Variants in KLHL5 observed in about 807,000 individuals in gnomAD.
KLHL5 encodes kelch like family member 5, also known as kelch-like protein 5.
Under a neutral mutation model 77.7 loss-of-function variants are expected in KLHL5, and 48 were observed. That is an observed-to-expected ratio of 0.62 (90% CI 0.49 to 0.79). The LOEUF is 0.79. Ranked by LOEUF, KLHL5 falls within the 30% of genes least tolerant of loss-of-function variation. The pLI is 0.00. For synonymous variants in KLHL5, 260 were observed against 297.0 expected, an observed-to-expected ratio of 0.88 and a Z score of 1.28; for missense variants, 723 against 859.7, an observed-to-expected ratio of 0.84 and a Z score of 1.99.
chr4:39,139,048 A>G, the KLHL5 span, among the ~76,000 whole-genome samples: 1 of 152,044 alleles, frequency 6.6e-6, no homozygotes, highest in Non-Finnish European at 1.5e-5. Flanking sequence ...TTGGGAGGCC[A>G]AGGCAGGTGG....
At position 39,062,777 on chromosome 4, in the gene KLHL5, G is replaced by A. The variant is rs773124502; in HGVS notation, c.125G>A (p.Arg42Gln). The part of the protein sequence containing the change: ...VDSQQGEFWN[R>Q]GQTGANGGRK... Reference sequence around the variant, plus strand: ...AGCCAGCAGGGAGAATTTTGGAACCGAGGACAGACTGGAGCAAACGGTGGG... The same window carrying A: ...AGCCAGCAGGGAGAATTTTGGAACCAAGGACAGACTGGAGCAAACGGTGGG... The change falls in exon 1 of 11, where the codon CGA (arginine) becomes CAA (glutamine). Residue 42 changes from arginine (R) to glutamine (Q), a missense_variant. Coordinates refer to ENST00000504108, the MANE Select transcript of KLHL5 (RefSeq NM_015990.5). 15 of 1,614,038 alleles carry A rather than the reference G, an allele frequency of 9.3e-6. 1 individual carries two copies. The highest frequency in any genetic ancestry group is 8.8e-5 in the South Asian group (8 of 91,086).
At chr4:39,075,045 C>T (rs1251434482) in intron 1 of KLHL5, among the ~76,000 whole-genome samples, 2 of 152,058 alleles carry the variant, frequency 1.3e-5, no homozygotes. Flanking sequence ...GAAAACAGAA[C>T]ATACAGGTGG....
intron 6 of KLHL5, among the ~76,000 whole-genome samples, chr4:39,102,089 A>G (rs1164152378): frequency 1.3e-5 from 2 of 151,034 alleles, no homozygotes; most frequent in African/African-American, 4.8e-5. Flanking sequence ...GAGAAAATCT[A>G]TATGTATAAC....
chr4:39,118,282 A>C (rs1722987698), intron 10 of KLHL5, among the ~76,000 whole-genome samples: 2 of 152,172 alleles, frequency 1.3e-5, no homozygotes. Context: ...GAAGTTAAAC[A>C]GCTAACCCAA....
rs1285420834 is a variant in KLHL5 at position 39,098,620 on chromosome 4, G to A, written c.1300+1742G>A. Among the ~76,000 whole-genome samples, 3 of 151,202 alleles carry A rather than the reference G, an allele frequency of 2.0e-5. No homozygotes were observed. In the East Asian group the frequency reaches 5.8e-4, roughly 29 times the overall value. ...GCTCTATCACCCAGGCTGGAGTGCA[G>A]TGGCATGATCTCGGCTCACTGCAAG... is the stretch of plus-strand genomic sequence containing the variant. On this transcript the variant is annotated intron_variant, in intron 6 of 10. Transcript: ENST00000504108.
At chr4:39,139,039 T>G in the KLHL5 span, among the ~76,000 whole-genome samples, 3 of 152,266 alleles carry the variant, frequency 2.0e-5, 1 homozygote, top group Admixed American at 2.0e-4. Flanking sequence ...CCCAGCACTT[T>G]GGGAGGCCAA....
chr4:39,045,072 A>T (rs1170535105), exon 1 of KLHL5: 1 of 986,952 alleles, frequency 1.0e-6, no homozygotes, highest in African/African-American at 1.8e-5. Flanking sequence ...GCCGTGACCC[A>T]CGGCCGCCTC....
In KLHL5 at chr4:39,121,069, T is replaced by C. The variant is rs1438685152; in HGVS notation, c.*3T>C. On this transcript the variant is annotated 3_prime_UTR_variant, in exon 11 of 11. Coordinates refer to ENST00000504108, the MANE Select transcript of KLHL5 (RefSeq NM_015990.5). Reference sequence around the variant, plus strand: ...GTGTTGTGACTGTAAAATTATAATTTAGTGCCCCGTTTTCTACATGAAGAC... The same window carrying C: ...GTGTTGTGACTGTAAAATTATAATTCAGTGCCCCGTTTTCTACATGAAGAC... 2 of 1,606,896 alleles carry C rather than the reference T, an allele frequency of 1.2e-6. No individual in the cohort carries two copies. Among genetic ancestry groups the C allele is most frequent in the East Asian group, 2.2e-5 (1 of 44,864 alleles).
intron 5 of KLHL5, chr4:39,093,202 C>G: frequency 4.4e-6 from 2 of 450,606 alleles, no homozygotes; most frequent in South Asian, 3.1e-5. Flanking sequence ...ATACGAGGAG[C>G]TACAGCAGGG....
intron 1 of KLHL5, among the ~76,000 whole-genome samples, chr4:39,067,980 GC>G (rs1560411304): frequency 6.6e-6 from 1 of 151,940 alleles, no homozygotes; most frequent in African/African-American, 2.4e-5. Context: ...ACCACACCTG[GC>G]CCCATAACTC....
At position 39,124,818 on chromosome 4, in the gene KLHL5, A is replaced by AAAAAAAAAT; in HGVS notation, c.*3753_*3761dup. ...CAACAACAGCAAAAAAAAAAAAAAA[A>AAAAAAAAAT]AAAAAAAATCAAAATTAAAAGCTTC... On this transcript the variant is annotated 3_prime_UTR_variant, in exon 11 of 11. Coordinates refer to ENST00000504108, the MANE Select transcript of KLHL5 (RefSeq NM_015990.5). Among the ~76,000 whole-genome samples the AAAAAAAAAT allele has an allele frequency of 6.6e-6, 1 of 150,586 alleles. No individual in the cohort carries two copies. The highest frequency in any genetic ancestry group is 2.4e-5 in the African/African-American group (1 of 41,178).
chr4:39,117,873 G>C (rs970949333), intron 10 of KLHL5, among the ~76,000 whole-genome samples: 2 of 151,920 alleles, frequency 1.3e-5, no homozygotes, highest in African/African-American at 4.8e-5. Context: ...CCAGGAGTTC[G>C]AGACCAGCAT....
At chr4:39,055,147 C>CA (rs1716921875) in intron 1 of KLHL5, among the ~76,000 whole-genome samples, 1 of 152,188 alleles carries the variant, frequency 6.6e-6, no homozygotes, top group Non-Finnish European at 1.5e-5. Context: ...CAGGGCCTGT[C>CA]AAAGGCCATC....
At chr4:39,066,819 A>T (rs1318185074) in intron 1 of KLHL5, among the ~76,000 whole-genome samples, 1 of 152,194 alleles carries the variant, frequency 6.6e-6, no homozygotes, top group African/African-American at 2.4e-5. Context: ...GCTATTATCA[A>T]CCTAATTCTA....
At chr4:39,050,869 C>T (rs1047422677) in intron 1 of KLHL5, among the ~76,000 whole-genome samples, 4 of 152,324 alleles carry the variant, frequency 2.6e-5, no homozygotes, top group East Asian at 1.9e-4. Flanking sequence ...TAAGTAACTA[C>T]GATATTCCCT....
chr4:39,124,288 T>C lies in KLHL5; in HGVS notation c.*3222T>C, dbSNP rs1473533524. Among the ~76,000 whole-genome samples, 1 of 152,146 alleles carries C rather than the reference T, an allele frequency of 6.6e-6. No individual in the cohort carries two copies. On this transcript the variant is annotated 3_prime_UTR_variant, in exon 11 of 11. Coordinates refer to ENST00000504108, the MANE Select transcript of KLHL5 (RefSeq NM_015990.5). ...CCCCATTAAAATTCCAGTGACCCTTTTACAGAAACTGAAAAGCTGACCCTA... is the reference window on the plus strand; with the variant it reads ...CCCCATTAAAATTCCAGTGACCCTTCTACAGAAACTGAAAAGCTGACCCTA...
At chr4:39,058,115 G>A (rs200594064), upstream of KLHL5, among the ~76,000 whole-genome samples, 29 of 152,166 alleles carry the variant, frequency 1.9e-4, no homozygotes, top group African/African-American at 6.3e-4. Context: ...TAAATAATAC[G>A]TGAGCTTTTG....
At chr4:39,100,516 T>C (rs1191470930) in intron 6 of KLHL5, among the ~76,000 whole-genome samples, 1 of 152,246 alleles carries the variant, frequency 6.6e-6, no homozygotes, top group Non-Finnish European at 1.5e-5. Context: ...TTATTTCATT[T>C]CATCTTCTTA....
rs202093206 is a variant in KLHL5, at chr4:39,107,363, T to TA, written c.1526-203dup. Among the ~76,000 whole-genome samples the TA allele has an allele frequency of 9.4e-3, 1,434 of 152,122 alleles. 22 individuals carry two copies. Among genetic ancestry groups the TA allele is most frequent in the Non-Finnish European group, 0.01 (692 of 67,966 alleles). On this transcript the variant is annotated intron_variant, in intron 7 of 10. Coordinates refer to ENST00000504108, the MANE Select transcript of KLHL5 (RefSeq NM_015990.5). ...GTGCCTGGGCAGTCTCTAGAACTTT[T>TA]AAACCAGAACTACCGTGCTATTTCA...
Sources: gnomAD v4.1 joint callset for allele counts (sites outside exome capture counted in the v4.1 genomes callset) on GRCh38, gnomAD v4.1.1 for gene constraint, MANE v1.5 for transcripts, NCBI Gene and HGNC (gene_info 2026-07-23, HGNC 2026-07-21) for gene names.